Variants in MOV10L1 observed in about 807,000 individuals in gnomAD.
The protein encoded by MOV10L1 is Mov10 like RNA helicase 1.
MOV10L1 carries 110 observed loss-of-function variants against 143.8 expected under a neutral mutation model. The observed-to-expected ratio is 0.76, with a 90% CI of 0.66 to 0.90. The LOEUF is 0.90. MOV10L1 is among the 40% of genes least tolerant of loss of function. The pLI is 0.00. For synonymous variants in MOV10L1, 593 were observed against 581.1 expected (o/e 1.02, Z -0.29); for missense variants, 1,406 against 1,526.8 (o/e 0.92, Z 1.32).
At chr22:50,092,460 C>T (rs898717976) in intron 2 of MOV10L1, among the ~76,000 whole-genome samples, 2 of 151,810 alleles carry the variant, frequency 1.3e-5, no homozygotes, top group African/African-American at 4.8e-5. Flanking sequence ...GGTGAAACCT[C>T]GTGTCTACAA....
intron 3 of MOV10L1, among the ~76,000 whole-genome samples, chr22:50,101,147 G>T (rs574843700): frequency 7.2e-5 from 11 of 152,262 alleles, no homozygotes; most frequent in East Asian, 1.9e-4. Context: ...TGGGAGGTCT[G>T]GGGGGTAGCT....
chr22:50,127,213 C>T (rs2062533072), intron 12 of MOV10L1, among the ~76,000 whole-genome samples: 1 of 152,140 alleles, frequency 6.6e-6, no homozygotes, highest in African/African-American at 2.4e-5. Flanking sequence ...CATACCAAAA[C>T]CTCCAAAGAA....
At chr22:50,155,343 C>T (rs1055591004) in intron 22 of MOV10L1, among the ~76,000 whole-genome samples, 1 of 151,312 alleles carries the variant, frequency 6.6e-6, no homozygotes, top group African/African-American at 2.4e-5. Flanking sequence ...TCACTGCAAC[C>T]TCCGCCTTCC....
chr22:50,140,785 C>T (rs5771188), intron 15 of MOV10L1, among the ~76,000 whole-genome samples: 19,506 of 151,552 alleles, frequency 0.13, 1,572 homozygotes, highest in East Asian at 0.34. Flanking sequence ...TGTAGTGTCG[C>T]AATCATGGCT....
intron 21 of MOV10L1, among the ~76,000 whole-genome samples, chr22:50,151,964 C>A (rs148664170): frequency 6.6e-6 from 1 of 152,266 alleles, no homozygotes; most frequent in African/African-American, 2.4e-5. Context: ...CTTCCTTTCT[C>A]TTCCCCAGCA....
chr22:50,155,807 G>A (rs991222350), intron 22 of MOV10L1, among the ~76,000 whole-genome samples: 1 of 152,190 alleles, frequency 6.6e-6, no homozygotes, highest in African/African-American at 2.4e-5. Flanking sequence ...AGGGCCGGAT[G>A]TGGGAGGCCA....
chr22:50,149,854 A>G (rs556266783), intron 20 of MOV10L1, 140 bp downstream of exon 20: 1 of 661,524 alleles, frequency 1.5e-6, no homozygotes, highest in South Asian at 1.9e-5. Context: ...GTTGGGGGCC[A>G]TGGGTCTCTA....
At chr22:50,150,302 T>A (rs1285337939) in intron 20 of MOV10L1, among the ~76,000 whole-genome samples, 2 of 151,792 alleles carry the variant, frequency 1.3e-5, no homozygotes, top group Non-Finnish European at 2.9e-5. Flanking sequence ...AGGTGACGCC[T>A]AGGGAGGGAG....
chr22:50,134,784 G>A (rs542389075), intron 15 of MOV10L1, among the ~76,000 whole-genome samples, 154 bp downstream of exon 15: 2 of 152,296 alleles, frequency 1.3e-5, no homozygotes, highest in East Asian at 1.9e-4. Flanking sequence ...TTTCCTTCTC[G>A]GAGTATTAGC....
At chr22:50,125,911 C>A (rs2062488409) in intron 11 of MOV10L1, among the ~76,000 whole-genome samples, 1 of 151,890 alleles carries the variant, frequency 6.6e-6, no homozygotes, top group South Asian at 2.1e-4. Flanking sequence ...CCTTAGCCTC[C>A]CGAGTAGCTG....
chr22:50,154,303 C>T (rs1028736605), intron 22 of MOV10L1, among the ~76,000 whole-genome samples: 2 of 152,098 alleles, frequency 1.3e-5, no homozygotes, highest in Admixed American at 1.3e-4. Flanking sequence ...TCACCTGTAA[C>T]CCCAGCACTT....
At chr22:50,115,784 G>A (rs751255015) in intron 8 of MOV10L1, among the ~76,000 whole-genome samples, 6 of 152,202 alleles carry the variant, frequency 3.9e-5, no homozygotes, top group African/African-American at 4.8e-5. Flanking sequence ...GAGACATCAC[G>A]TTGGCTCCTC....
At chr22:50,092,314 G>A (rs1283709461) in intron 2 of MOV10L1, 129 bp downstream of exon 2, 2 of 799,728 alleles carry the variant, frequency 2.5e-6, no homozygotes, top group African/African-American at 3.5e-5. Context: ...TCAAGGGGAT[G>A]CTTTTGCTCT....
intron 15 of MOV10L1, among the ~76,000 whole-genome samples, chr22:50,139,192 A>G (rs765813818): frequency 1.3e-5 from 2 of 152,144 alleles, no homozygotes; most frequent in Non-Finnish European, 2.9e-5. Context: ...CGCGCAAAAC[A>G]TGGACCTGGG....
chr22:50,130,991 G>T (rs573170688), intron 13 of MOV10L1, among the ~76,000 whole-genome samples: 1 of 152,206 alleles, frequency 6.6e-6, no homozygotes, highest in East Asian at 1.9e-4. Flanking sequence ...CTGCCTTCCA[G>T]GTTCACACCA....
At chr22:50,121,635 C>T (rs995688775) in intron 10 of MOV10L1, among the ~76,000 whole-genome samples, 1 of 152,208 alleles carries the variant, frequency 6.6e-6, no homozygotes, top group African/African-American at 2.4e-5. Flanking sequence ...CCTCTGTCCC[C>T]CAGTCACTTT....
chr22:50,104,182 G>GC (rs2061813865), intron 3 of MOV10L1, among the ~76,000 whole-genome samples: 1 of 152,172 alleles, frequency 6.6e-6, no homozygotes, highest in African/African-American at 2.4e-5. Context: ...AGGAGGTGGC[G>GC]CTCAGGCTGT....
Position 50,134,736 on chromosome 22 carries a change from T to G in MOV10L1, c.2070+106T>G, listed in dbSNP as rs558836452. ...GGCGTGACTGTCTCTACACAGGGGA[T>G]GGCTCAGCGATGTAACTGTCTACAC... is the stretch of plus-strand genomic sequence containing the variant. On this transcript the variant is annotated intron_variant, in intron 15 of 26. Transcript: ENST00000262794. 181 of 945,896 alleles carry G rather than the reference T, an allele frequency of 1.9e-4. No homozygotes were observed. The African/African-American group carries it at 2.7e-3, about 14-fold the overall frequency. 58.6% of individuals were successfully genotyped at this position (945,896 alleles called of 1,614,324 possible). A position where few individuals can be genotyped will look rare whatever the true frequency, so the allele number is the denominator to read the frequency against.
chr22:50,113,519 T>A, intron 5 of MOV10L1, 129 bp from the exon 6 acceptor site: 1 of 1,271,688 alleles, frequency 7.9e-7, no homozygotes, highest in South Asian at 1.5e-5. Context: ...CCTAAGTCTG[T>A]GGAAGCCCTG....
Sources: allele counts gnomAD v4.1 joint callset (sites outside exome capture counted in the v4.1 genomes callset), GRCh38; gene constraint gnomAD v4.1.1; transcripts MANE v1.5; gene names NCBI Gene and HGNC (gene_info 2026-07-23, HGNC 2026-07-21).